Variants in SHC2 observed in about 807,000 individuals in gnomAD.
SHC2 encodes the protein SHC-transforming protein 2.
A neutral mutation model predicts 60.6 loss-of-function variants in SHC2; 62 were observed. The observed-to-expected ratio is 1.02, with a 90% CI of 0.83 to 1.26. The LOEUF is 1.26. Among genes scored for constraint, SHC2 ranks in the 50% most tolerant of loss-of-function variants. SHC2 has a pLI of 0.00. For missense variants in SHC2, 873 were observed against 822.2 expected, an observed-to-expected ratio of 1.06 and a Z score of -0.76; for synonymous variants, 375 against 372.4, an observed-to-expected ratio of 1.01 and a Z score of -0.08.
rs552230883 is a variant in SHC2, at chr19:455,171, C to T, written c.468+5358G>A. On this transcript the variant is annotated intron_variant, in intron 1 of 12. Transcript: ENST00000264554. ...CTGGACCCATGACAAAGTCACTGAG[C>T]TGCTGAATTAACCAACCCCAGAGCC... is the stretch of plus-strand genomic sequence containing the variant. 2.0e-5 allele frequency among the ~76,000 whole-genome samples: 3 copies of T among 152,356 alleles called. No homozygotes were observed. In the South Asian group the frequency reaches 6.2e-4, roughly 32 times the overall value.
At chr19:418,818 C>T in intron 12 of SHC2, 105 bp downstream of exon 12, 1 of 1,340,636 alleles carries the variant, frequency 7.5e-7, no homozygotes, top group Non-Finnish European at 1.0e-6. Flanking sequence ...GAGTCGTGCC[C>T]TCTAGAGGGA....
chr19:420,497 G>A (rs1351042016), intron 11 of SHC2, among the ~76,000 whole-genome samples: 3 of 152,144 alleles, frequency 2.0e-5, no homozygotes, highest in African/African-American at 4.8e-5. Flanking sequence ...CGCTCAAAAC[G>A]CTTCATAAAC....
chr19:438,587 C>T lies in SHC2; in HGVS notation c.720+131G>A, dbSNP rs757492286. ...GGCTGCACCCCCAGCTCCTGCTCAG[C>T]GGGGCCTCGGCTCGTCTTTCTGGAT... On this transcript the variant is annotated intron_variant, in intron 4 of 12. Transcript: ENST00000264554. The surrounding 1 kb of genome is among the most constrained non-coding windows in gnomAD (Gnocchi z 5.0). The T allele has an allele frequency of 1.9e-5, 21 of 1,090,004 alleles. No homozygotes were observed. Among genetic ancestry groups the T allele is most frequent in the East Asian group, 2.6e-5 (1 of 38,200 alleles). The allele number at this position is 1,090,004 out of a possible 1,614,324, so 67.5% of individuals were successfully genotyped here.
rs945543680 is a variant in SHC2 at position 422,969 on chromosome 19, G to A, written c.1310-513C>T. 6 of 163,842 alleles carry A rather than the reference G, an allele frequency of 3.7e-5. No homozygotes were observed. Among genetic ancestry groups the A allele is most frequent in the African/African-American group, 1.4e-4 (6 of 41,566 alleles). 10.1% of individuals were successfully genotyped at this position (163,842 alleles called of 1,614,324 possible). ...GCCACTCTAAGGCTCTCCTCTGAGT[G>A]TCAGTCCCCTCATTGTCAAACAGGG... On this transcript the variant is annotated intron_variant, in intron 10 of 12. Coordinates refer to ENST00000264554, the MANE Select transcript of SHC2 (RefSeq NM_012435.3). This position sits in a 1 kb window ranked among gnomAD's most constrained non-coding sequence, Gnocchi z 5.0.
intron 11 of SHC2, chr19:419,302 C>G (rs888229123): frequency 2.2e-6 from 1 of 462,650 alleles, no homozygotes; most frequent in African/African-American, 2.0e-5. Context: ...GAAAGGTGAC[C>G]GCGGGAAGAT....
Position 460,641 on chromosome 19 carries a change from G to T in SHC2, c.356C>A (p.Ala119Asp), listed in dbSNP as rs1033842922. Residue 119 changes from alanine to aspartate, a missense_variant, in exon 1 of 13, where the codon GCC (alanine) becomes GAC (aspartate). Coordinates refer to ENST00000264554, the MANE Select transcript of SHC2 (RefSeq NM_012435.3). ...CCGGATCCACTCGGCGGCGGCGGCG[G>T]CGTCCCCGGACCCCGCCGCCCCCCG... ...GGRGAAGSGD[A>D]AAAAEWIRKG... 2 of 1,287,110 alleles carry T rather than the reference G, an allele frequency of 1.6e-6. No homozygotes were observed. Among genetic ancestry groups the T allele is most frequent in the South Asian group, 2.0e-5 (1 of 50,528 alleles). The allele number at this position is 1,287,110 out of a possible 1,614,324, so 79.7% of individuals were successfully genotyped here.
intron 1 of SHC2, among the ~76,000 whole-genome samples, chr19:448,516 C>A (rs1431030695): frequency 1.3e-5 from 2 of 152,242 alleles, no homozygotes; most frequent in Non-Finnish European, 2.9e-5. Flanking sequence ...ATTTCAGTAA[C>A]TCCAGTGTGG....
At chr19:458,251 G>A (rs1400243254) in intron 1 of SHC2, among the ~76,000 whole-genome samples, 19 of 133,414 alleles carry the variant, frequency 1.4e-4, no homozygotes, top group South Asian at 2.4e-4. Flanking sequence ...AGTGGGTTCC[G>A]GGGAGGCGGA....
chr19:428,297 T>C (rs1345780916), intron 9 of SHC2, among the ~76,000 whole-genome samples: 1 of 152,180 alleles, frequency 6.6e-6, no homozygotes, highest in Non-Finnish European at 1.5e-5. Context: ...CCTACTGAAA[T>C]GGCCCGAGTG....
chr19:424,775 C>A lies in SHC2; in HGVS notation c.1309+322G>T, dbSNP rs968350356. 6.6e-6 allele frequency among the ~76,000 whole-genome samples: 1 copy of A among 152,118 alleles called. No homozygotes were observed. The highest frequency in any genetic ancestry group is 1.5e-5 in the Non-Finnish European group (1 of 68,008). ...CCAGACTGGGGGTTCAGCAGGGAGG[C>A]CCCGGGAGATGGGGTCCTGTAGGAG... On this transcript the variant is annotated intron_variant, in intron 10 of 12. Coordinates refer to ENST00000264554, the MANE Select transcript of SHC2 (RefSeq NM_012435.3). This position sits in a 1 kb window ranked among gnomAD's most constrained non-coding sequence, Gnocchi z 4.5.
In SHC2 at chr19:438,515, C is replaced by T. The variant is rs1426883370; in HGVS notation, c.720+203G>A. ...TGCCAGGAGCGCCCCTGTATCAGGA[C>T]GGCTCGCCCAGGTGGGAGCCCCTGA... On this transcript the variant is annotated intron_variant, in intron 4 of 12. Coordinates refer to ENST00000264554, the MANE Select transcript of SHC2 (RefSeq NM_012435.3). The surrounding 1 kb of genome is among the most constrained non-coding windows in gnomAD (Gnocchi z 5.0). 9.2e-5 allele frequency among the ~76,000 whole-genome samples: 14 copies of T among 152,324 alleles called. No individual in the cohort carries two copies. Among genetic ancestry groups the T allele is most frequent in the Non-Finnish European group, 1.3e-4 (9 of 68,020 alleles).
intron 1 of SHC2, among the ~76,000 whole-genome samples, chr19:456,065 C>G (rs1471836857): frequency 6.6e-6 from 1 of 152,326 alleles, no homozygotes; most frequent in East Asian, 1.9e-4. Flanking sequence ...GCCCCGGGTT[C>G]TGGTCCTGCT....
In SHC2 at chr19:460,854, G is replaced by T. The variant is rs1013310589; in HGVS notation, c.143C>A (p.Pro48Gln). Residue 48 changes from proline to glutamine, a missense_variant, in exon 1 of 13, where the codon CCG becomes CAG. Pro to Gln is a moderately conservative substitution (Grantham distance 76, BLOSUM62 -1). Transcript: ENST00000264554. ...GGCCCCAGCCGCCCGCGCCGCCGCC[G>T]GGCCGCGGCCCAGGAAGCCGCCCGG... ...AAPGGFLGRGPAAARAAGASG... is the reference protein window; with the variant it reads ...AAPGGFLGRGQAAARAAGASG... 10 of 983,732 alleles carry T rather than the reference G, an allele frequency of 1.0e-5. No individual in the cohort carries two copies. The highest frequency in any genetic ancestry group is 4.5e-5 in the South Asian group (1 of 22,208). The allele number at this position is 983,732 out of a possible 1,614,324, so 60.9% of individuals were successfully genotyped here.
intron 8 of SHC2, among the ~76,000 whole-genome samples, chr19:431,166 G>T (rs1467390627): frequency 1.3e-5 from 2 of 152,270 alleles, no homozygotes; most frequent in South Asian, 2.1e-4. Flanking sequence ...GACTTACCAA[G>T]GCCCTGATTA....
chr19:425,100 T>C lies in SHC2; in HGVS notation c.1306A>G (p.Met436Val). ...CGCCCCCCAGGCTGCCACATACGCA[T>C]GTCAAACAGATCCTTTTTGGGGCTG... ...EDSPKKDLFD[M>V]RPFEDALKLH... Residue 436 changes from methionine to valine, a missense_variant, in exon 10 of 13, where the codon ATG becomes GTG. Transcript: ENST00000264554. The surrounding 1 kb of genome is among the most constrained non-coding windows in gnomAD (Gnocchi z 4.1). 1.4e-6 allele frequency: 2 copies of C among 1,403,564 alleles called. No individual in the cohort carries two copies. Among genetic ancestry groups the C allele is most frequent in the Non-Finnish European group, 1.9e-6 (2 of 1,071,046 alleles). The allele number at this position is 1,403,564 out of a possible 1,614,324, so 86.9% of individuals were successfully genotyped here.
intron 4 of SHC2, among the ~76,000 whole-genome samples, chr19:437,280 CTGTG>C (rs1035415595): frequency 1.4e-5 from 2 of 145,942 alleles, no homozygotes; most frequent in African/African-American, 2.8e-5. Context: ...GCGTGCTCGT[CTGTG>C]TGCTCATCTG....
Position 436,042 on chromosome 19 carries a change from G to A in SHC2, c.953+123C>T, listed in dbSNP as rs531883454. ...TCCTCTGGCTGAGCCATATTCTCAC[G>A]GGACAGGGAGGGAGGGACAAGGGCA... On this transcript the variant is annotated intron_variant, in intron 7 of 12. Coordinates refer to ENST00000264554, the MANE Select transcript of SHC2 (RefSeq NM_012435.3). 125 of 1,067,410 alleles carry A rather than the reference G, an allele frequency of 1.2e-4. 4 individuals are homozygous for A. The highest frequency in any genetic ancestry group is 8.8e-4 in the South Asian group (57 of 64,574). 66.1% of individuals were successfully genotyped at this position (1,067,410 alleles called of 1,614,324 possible).
chr19:430,873 G>A, intron 8 of SHC2, 126 bp from the exon 9 acceptor site: 1 of 816,708 alleles, frequency 1.2e-6, no homozygotes, highest in Non-Finnish European at 2.0e-6. Context: ...CACAGCCCTG[G>A]CCCTCCCATT....
Position 430,680 on chromosome 19 carries a change from C to A in SHC2, c.1174+4G>T. On this transcript the variant is annotated splice_donor_region_variant and intron_variant, in intron 9 of 12. Coordinates refer to ENST00000264554, the MANE Select transcript of SHC2 (RefSeq NM_012435.3). The stretch of plus-strand genomic sequence containing the variant: ...GTACCCCTTGCAGCCCCAGCCCATC[C>A]TACCTGTACCGGTGGACCCCACGTC... 1 of 1,612,650 alleles carries A rather than the reference C, an allele frequency of 6.2e-7. No homozygotes were observed.
Sources: gnomAD v4.1 joint callset for allele counts (sites outside exome capture counted in the v4.1 genomes callset) on GRCh38, gnomAD v4.1.1 for gene constraint, Gnocchi (gnomAD v3.1) non-coding constraint, MANE v1.5 for transcripts, NCBI Gene and HGNC (gene_info 2026-07-23, HGNC 2026-07-21) for gene names.